CTNNA3: variants seen among roughly 807,000 people sequenced by gnomAD.
CTNNA3 encodes catenin alpha 3.
In CTNNA3, 76 loss-of-function variants were observed where a neutral mutation model predicts 95.7. The observed-to-expected ratio is 0.79, with a 90% confidence interval of 0.66 to 0.96. The LOEUF (loss-of-function observed/expected upper bound fraction) is 0.96, where lower values mean the gene tolerates loss of function less well. Among genes scored for constraint, CTNNA3 ranks in the 40% least tolerant of loss-of-function variants. The pLI is 0.00. For synonymous variants in CTNNA3, 431 were observed against 374.4 expected (o/e 1.15, Z -1.74); for missense variants, 1,191 against 1,089.8 (o/e 1.09, Z -1.31).
intron 7 of CTNNA3, among the ~76,000 whole-genome samples, chr10:67,136,092 T>A (rs1203446119): frequency 1.3e-5 from 2 of 152,172 alleles, no homozygotes; most frequent in Non-Finnish European, 1.5e-5. Flanking sequence ...TTTTAACTTT[T>A]ATGCTAAACA....
intron 5 of CTNNA3, among the ~76,000 whole-genome samples, chr10:67,295,123 T>C (rs770577031): frequency 2.0e-5 from 3 of 152,228 alleles, no homozygotes; most frequent in Non-Finnish European, 4.4e-5. Flanking sequence ...TAGCATTGGC[T>C]TCTATCACTA....
intron 17 of CTNNA3, among the ~76,000 whole-genome samples, chr10:65,922,477 T>A (rs2077102877): frequency 6.6e-6 from 1 of 152,166 alleles, no homozygotes; most frequent in African/African-American, 2.4e-5. Flanking sequence ...GACTATTTCA[T>A]AACAAAACAT....
At chr10:66,444,047 T>G (rs932654760) in intron 11 of CTNNA3, among the ~76,000 whole-genome samples, 84 of 152,254 alleles carry the variant, frequency 5.5e-4, no homozygotes, top group African/African-American at 1.9e-3. Context: ...CAGGAGCCGA[T>G]GCGATCAACT....
chr10:66,309,223 T>C (rs1193615382), intron 12 of CTNNA3, among the ~76,000 whole-genome samples: 1 of 152,196 alleles, frequency 6.6e-6, no homozygotes, highest in Non-Finnish European at 1.5e-5. Context: ...GACCTAGAAC[T>C]ATATATACTC....
chr10:66,105,074 A>G (rs2081833183), intron 13 of CTNNA3, among the ~76,000 whole-genome samples: 1 of 152,138 alleles, frequency 6.6e-6, no homozygotes, highest in African/African-American at 2.4e-5. Flanking sequence ...TTTTGCATTT[A>G]TTTCAACCAA....
intron 5 of CTNNA3, among the ~76,000 whole-genome samples, chr10:67,254,110 T>C (rs1232120149): frequency 6.6e-6 from 1 of 152,138 alleles, no homozygotes; most frequent in Non-Finnish European, 1.5e-5. Context: ...TGTTGTCCTT[T>C]TCAGGATTTA....
chr10:66,480,671 C>T (rs538286812), intron 11 of CTNNA3, among the ~76,000 whole-genome samples: 20 of 152,216 alleles, frequency 1.3e-4, no homozygotes, highest in African/African-American at 4.8e-4. Flanking sequence ...GTGGCGCAAT[C>T]TCGGCTCACT....
At chr10:67,702,442 CA>C (rs1450792295) in intron 1 of CTNNA3, among the ~76,000 whole-genome samples, 2 of 152,282 alleles carry the variant, frequency 1.3e-5, no homozygotes, top group Non-Finnish European at 2.9e-5. Context: ...GACCACAGTG[CA>C]ATCAAACTAC....
rs186710810 is a variant in CTNNA3, at chr10:67,535,645, A to G, written c.459+3858T>C. Among the ~76,000 whole-genome samples, 7 of 152,152 alleles carry G rather than the reference A, an allele frequency of 4.6e-5. No homozygotes were observed. The East Asian group carries it at 1.4e-3, about 29-fold the overall frequency. On this transcript the variant is annotated intron_variant, in intron 4 of 17. Transcript: ENST00000433211. ...ATGTAATTGTCCATTTATATCATGGAATGTTCACATCAGAGAGTTTGTTTT... is the reference window on the plus strand; with the variant it reads ...ATGTAATTGTCCATTTATATCATGGGATGTTCACATCAGAGAGTTTGTTTT...
chr10:66,115,317 T>C (rs73312131), intron 13 of CTNNA3, among the ~76,000 whole-genome samples: 2 of 152,170 alleles, frequency 1.3e-5, no homozygotes. Context: ...CAGAGAAGTG[T>C]CCCTTACCAG....
intron 12 of CTNNA3, among the ~76,000 whole-genome samples, chr10:66,373,780 CA>C (rs1158365326): frequency 3.3e-5 from 5 of 152,256 alleles, no homozygotes; most frequent in African/African-American, 1.2e-4. Flanking sequence ...TAGGTTCAGT[CA>C]GATCTTTCAA....
intron 13 of CTNNA3, among the ~76,000 whole-genome samples, chr10:66,245,631 G>A (rs972805348): frequency 2.2e-4 from 34 of 152,108 alleles, no homozygotes; most frequent in African/African-American, 7.2e-4. Flanking sequence ...GTTCAGCTCC[G>A]AGCACAGAAG....
At chr10:66,127,700 T>C (rs545634828) in intron 13 of CTNNA3, among the ~76,000 whole-genome samples, 1 of 152,318 alleles carries the variant, frequency 6.6e-6, no homozygotes, top group Non-Finnish European at 1.5e-5. Context: ...AATGTGCACT[T>C]ATTAATTTTT....
intron 1 of CTNNA3, among the ~76,000 whole-genome samples, chr10:67,658,400 G>C (rs577873776): frequency 3.3e-5 from 5 of 152,222 alleles, no homozygotes; most frequent in South Asian, 2.1e-4. Context: ...GAATCTACTT[G>C]TCTACATTCA....
intron 7 of CTNNA3, among the ~76,000 whole-genome samples, chr10:67,055,770 A>G (rs1855390741): frequency 6.6e-6 from 1 of 152,068 alleles, no homozygotes; most frequent in Non-Finnish European, 1.5e-5. Flanking sequence ...ATGTACCTCA[A>G]AGGTTCTTAA....
intron 13 of CTNNA3, among the ~76,000 whole-genome samples, chr10:66,222,624 AAG>A (rs1491324582): frequency 3.7e-5 from 5 of 136,154 alleles, no homozygotes; most frequent in Non-Finnish European, 7.7e-5. Flanking sequence ...AAGAAAGAAA[AAG>A]AAAGAAAGAA....
At chr10:66,872,048 A>G (rs1372261844) in intron 7 of CTNNA3, among the ~76,000 whole-genome samples, 1 of 152,200 alleles carries the variant, frequency 6.6e-6, no homozygotes, top group African/African-American at 2.4e-5. Flanking sequence ...TTATAGCCCA[A>G]TGAAAATAGG....
chr10:67,271,529 G>T (rs941938379), intron 5 of CTNNA3, among the ~76,000 whole-genome samples: 18 of 152,056 alleles, frequency 1.2e-4, no homozygotes, highest in Non-Finnish European at 2.2e-4. Flanking sequence ...CCAGTCCCAG[G>T]TATTTCTTCA....
chr10:67,467,864 C>G (rs113599209), intron 5 of CTNNA3, among the ~76,000 whole-genome samples: 2,592 of 151,968 alleles, frequency 0.017, 79 homozygotes, highest in African/African-American at 0.057. Context: ...GTGTGCCCCA[C>G]CATGCCTGGC....
Sources: gnomAD v4.1 joint callset for allele counts (sites outside exome capture counted in the v4.1 genomes callset) on GRCh38, gnomAD v4.1.1 for gene constraint, MANE v1.5 for transcripts, NCBI Gene and HGNC (gene_info 2026-07-23, HGNC 2026-07-21) for gene names.